Variants in CAPZB observed in about 807,000 individuals in gnomAD.
CAPZB encodes capping actin protein of muscle Z-line subunit beta.
CAPZB carries 2 observed loss-of-function variants against 38.1 expected under a neutral mutation model. The observed-to-expected ratio is 0.05, with a 90% CI of 0.02 to 0.17. The LOEUF (loss-of-function observed/expected upper bound fraction) is 0.17, where lower values mean the gene tolerates loss of function less well. Ranked by LOEUF, CAPZB falls within the 10% of genes least tolerant of loss-of-function variation. The probability of loss-of-function intolerance (pLI) is 1.00; values close to 1 mark genes in which losing one functional copy is unlikely to be tolerated. For synonymous variants in CAPZB, 107 were observed against 127.4 expected (o/e 0.84, Z 1.08); for missense variants, 161 against 334.2 (o/e 0.48, Z 4.04).
intron 1 of CAPZB, among the ~76,000 whole-genome samples, chr1:19,441,603 G>GAA (rs1319568757): frequency 6.6e-6 from 1 of 151,714 alleles, no homozygotes; most frequent in Non-Finnish European, 1.5e-5. Flanking sequence ...TCAGAACTAC[G>GAA]GAACTGAAGA....
intron 1 of CAPZB, among the ~76,000 whole-genome samples, chr1:19,462,953 T>A (rs1000780191): frequency 2.0e-5 from 3 of 152,256 alleles, no homozygotes; most frequent in Admixed American, 2.0e-4. Flanking sequence ...ATAGTGATTA[T>A]GGAACAGCCC....
At chr1:19,368,548 GCTGGGT>G (rs1471622022) in intron 4 of CAPZB, among the ~76,000 whole-genome samples, 1 of 148,356 alleles carries the variant, frequency 6.7e-6, no homozygotes, top group Non-Finnish European at 1.5e-5. Flanking sequence ...AAAGGAACCC[GCTGGGT>G]GACCAGGAAT....
chr1:19,390,152 T>G (rs2094225332), intron 2 of CAPZB, among the ~76,000 whole-genome samples: 1 of 152,188 alleles, frequency 6.6e-6, no homozygotes, highest in Non-Finnish European at 1.5e-5. Context: ...GTCCCTACAC[T>G]CATCTGAACC....
intron 2 of CAPZB, among the ~76,000 whole-genome samples, chr1:19,390,173 C>G (rs1258339733): frequency 1.3e-5 from 2 of 152,250 alleles, no homozygotes; most frequent in Non-Finnish European, 2.9e-5. Context: ...CCGGCCCCCG[C>G]CCCCTACTCA....
intron 6 of CAPZB, among the ~76,000 whole-genome samples, 167 bp from the exon 7 acceptor site, chr1:19,345,419 C>T (rs1008487927): frequency 1.2e-4 from 18 of 152,212 alleles, no homozygotes; most frequent in Admixed American, 1.0e-3. Flanking sequence ...AAGCACAAAC[C>T]GACTTCAGTT....
chr1:19,360,290 C>T (rs1232976404), intron 4 of CAPZB, among the ~76,000 whole-genome samples: 1 of 152,194 alleles, frequency 6.6e-6, no homozygotes, highest in Non-Finnish European at 1.5e-5. Context: ...TTTCAGTCGG[C>T]TTACAGGGAG....
intron 1 of CAPZB, among the ~76,000 whole-genome samples, chr1:19,420,900 T>C (rs540702207): frequency 6.6e-6 from 1 of 152,152 alleles, no homozygotes; most frequent in East Asian, 1.9e-4. Context: ...GCAAGGCTGG[T>C]AAAATGCAAA....
intron 1 of CAPZB, among the ~76,000 whole-genome samples, chr1:19,445,711 A>G (rs1336918185): frequency 1.3e-5 from 2 of 152,224 alleles, no homozygotes; most frequent in Non-Finnish European, 2.9e-5. Context: ...GGGCATGAAG[A>G]ATAACTGCAA....
At position 19,454,118 on chromosome 1, in the gene CAPZB, T is replaced by C. The variant is rs545313607; in HGVS notation, c.3+31318A>G. The stretch of plus-strand genomic sequence containing the variant: ...CTTAGGTTTCTCCAGGCTCAGGCCC[T>C]CCAACAGGAGGTCCTGAATAAAAGC... On this transcript the variant is annotated intron_variant, in intron 1 of 8. Coordinates refer to ENST00000264202, the MANE Select transcript of CAPZB (RefSeq NM_004930.5). 9.2e-5 allele frequency among the ~76,000 whole-genome samples: 14 copies of C among 152,256 alleles called. No individual in the cohort carries two copies. The South Asian group carries it at 2.7e-3, about 29-fold the overall frequency.
chr1:19,341,396 G>A (rs1022195199), intron 8 of CAPZB, among the ~76,000 whole-genome samples: 9 of 152,182 alleles, frequency 5.9e-5, no homozygotes, highest in Admixed American at 3.9e-4. Flanking sequence ...GGCTCTTCTG[G>A]GAAGGAAGAG....
chr1:19,375,727 C>T (rs1426646199), intron 4 of CAPZB, among the ~76,000 whole-genome samples: 4 of 152,200 alleles, frequency 2.6e-5, no homozygotes, highest in Non-Finnish European at 2.9e-5. Context: ...AAAGGCTTCA[C>T]CAGAGGCAGC....
intron 2 of CAPZB, 91 bp downstream of exon 2, chr1:19,419,570 T>C: frequency 1.3e-6 from 1 of 743,122 alleles, no homozygotes; most frequent in South Asian, 1.6e-5. Flanking sequence ...AAAGGTTTCC[T>C]GTGTTGTGAA....
chr1:19,378,593 C>T lies in CAPZB; in HGVS notation c.276G>A (p.Arg92=), dbSNP rs1221489026. The change falls in exon 4 of 9, where the codon CGG becomes CGA. Residue 92 remains arginine, a synonymous_variant. Coordinates refer to ENST00000264202, the MANE Select transcript of CAPZB (RefSeq NM_004930.5). ...TGGCTTCCACCTCCAGCTTTCTCAG[C>T]CGAGCTGACGGCATGGCCCCATCCT... ...PLEDGAMPSA[R]LRKLEVEANN... 5 of 1,613,818 alleles carry T rather than the reference C, an allele frequency of 3.1e-6. No homozygotes were observed. In the South Asian group the frequency reaches 3.3e-5, roughly 11 times the overall value.
At chr1:19,402,627 T>A (rs1477718466) in intron 2 of CAPZB, among the ~76,000 whole-genome samples, 1 of 152,192 alleles carries the variant, frequency 6.6e-6, no homozygotes, top group Non-Finnish European at 1.5e-5. Context: ...AGCTAGTACC[T>A]TCCCACCACC....
Position 19,426,673 on chromosome 1 carries a change from C to T in CAPZB, c.4-6923G>A, listed in dbSNP as rs145317666. On this transcript the variant is annotated intron_variant, in intron 1 of 8. Coordinates refer to ENST00000264202, the MANE Select transcript of CAPZB (RefSeq NM_004930.5). ...GACAGAGGGAGGCCCACTGAGCCCC[C>T]AGGTGCTCCAGGCTCCCACTGTTCC... is the stretch of plus-strand genomic sequence containing the variant. Among the ~76,000 whole-genome samples the T allele has an allele frequency of 1.5e-4, 23 of 152,324 alleles. No individual in the cohort carries two copies. In the East Asian group the frequency reaches 4.4e-3, roughly 29 times the overall value.
rs201864159 is a variant in CAPZB at position 19,348,421 on chromosome 1, A to G, written c.589-3169T>C. ...TTTTAAAAGCCTTGAATGAGTTAGC[A>G]TTCATCTGCTTAAAAGGTCTGAACA... On this transcript the variant is annotated intron_variant, in intron 6 of 8. Coordinates refer to ENST00000264202, the MANE Select transcript of CAPZB (RefSeq NM_004930.5). Among the ~76,000 whole-genome samples, 29 of 152,270 alleles carry G rather than the reference A, an allele frequency of 1.9e-4. No individual in the cohort carries two copies. In the East Asian group the frequency reaches 5.6e-3, roughly 29 times the overall value.
intron 1 of CAPZB, among the ~76,000 whole-genome samples, chr1:19,420,590 AGTTT>A (rs2094397506): frequency 3.3e-5 from 3 of 92,166 alleles, no homozygotes; most frequent in Admixed American, 2.7e-4. Context: ...CTAATTTTGT[AGTTT>A]TTTTTGGGGG....
chr1:19,382,434 T>C (rs1202818887), intron 3 of CAPZB, among the ~76,000 whole-genome samples: 2 of 151,542 alleles, frequency 1.3e-5, no homozygotes, highest in Non-Finnish European at 2.9e-5. Flanking sequence ...AGCTAACAGG[T>C]TTCAAACGGT....
At position 19,355,582 on chromosome 1, in the gene CAPZB, G is replaced by A. The variant is rs565744649; in HGVS notation, c.588+1053C>T. Among the ~76,000 whole-genome samples the A allele has an allele frequency of 1.0e-3, 155 of 152,120 alleles. 1 individual carries two copies. Among genetic ancestry groups the A allele is most frequent in the Non-Finnish European group, 1.9e-3 (130 of 68,000 alleles). ...CTATTGAGAGCATAATTATCTTACC[G>A]AAAGAGATCTCTGATGTTAAAAGGA... On this transcript the variant is annotated intron_variant, in intron 6 of 8. Transcript: ENST00000264202.
Sources: allele counts gnomAD v4.1 joint callset (sites outside exome capture counted in the v4.1 genomes callset), GRCh38; gene constraint gnomAD v4.1.1; transcripts MANE v1.5; gene names NCBI Gene and HGNC (gene_info 2026-07-23, HGNC 2026-07-21).